Variants in RPS6KC1 observed in about 807,000 individuals in gnomAD.
The protein encoded by RPS6KC1 is inactive ribosomal protein S6 kinase delta-1.
A neutral mutation model predicts 103.8 loss-of-function variants in RPS6KC1; 54 were observed. That is an observed-to-expected ratio of 0.52 (90% CI 0.42 to 0.65). The LOEUF (loss-of-function observed/expected upper bound fraction) is 0.65. RPS6KC1 is among the 30% of genes least tolerant of loss of function. RPS6KC1 has a pLI of 0.00. For missense variants in RPS6KC1, 1,151 were observed against 1,253.8 expected (o/e 0.92, Z 1.24); for synonymous variants, 439 against 438.7 (o/e 1.00, Z -0.01).
the RPS6KC1 span, among the ~76,000 whole-genome samples, chr1:213,476,574 G>A: frequency 6.6e-6 from 1 of 152,064 alleles, no homozygotes; most frequent in Non-Finnish European, 1.5e-5. Context: ...CTGTTCAGCC[G>A]TTTCACCCAT....
At chr1:213,755,488 T>C in the RPS6KC1 span, among the ~76,000 whole-genome samples, 2 of 152,142 alleles carry the variant, frequency 1.3e-5, no homozygotes, top group Non-Finnish European at 2.9e-5. Flanking sequence ...CACATTTGCA[T>C]GCCTCCACAG....
At chr1:213,526,397 A>G in the RPS6KC1 span, among the ~76,000 whole-genome samples, 1 of 152,170 alleles carries the variant, frequency 6.6e-6, no homozygotes, top group South Asian at 2.1e-4. Context: ...AGCTTGGTTA[A>G]TCAAGAACTT....
At chr1:213,237,498 T>C (rs2094249056) in intron 10 of RPS6KC1, among the ~76,000 whole-genome samples, 1 of 152,126 alleles carries the variant, frequency 6.6e-6, no homozygotes, top group African/African-American at 2.4e-5. Flanking sequence ...TAAATACATG[T>C]ATAAACATGT....
At chr1:213,060,498 T>G (rs968304145) in intron 1 of RPS6KC1, among the ~76,000 whole-genome samples, 3 of 152,242 alleles carry the variant, frequency 2.0e-5, no homozygotes, top group African/African-American at 7.2e-5. Flanking sequence ...TCTAGTTTTA[T>G]TCTACTGTTC....
At chr1:213,511,351 C>T in the RPS6KC1 span, among the ~76,000 whole-genome samples, 2 of 152,084 alleles carry the variant, frequency 1.3e-5, no homozygotes, top group African/African-American at 4.8e-5. Flanking sequence ...CTCTGGCAAG[C>T]CGGGGCTGGC....
At chr1:213,563,643 C>T in the RPS6KC1 span, among the ~76,000 whole-genome samples, 1 of 152,146 alleles carries the variant, frequency 6.6e-6, no homozygotes, top group East Asian at 1.9e-4. Flanking sequence ...ATATCCTGTA[C>T]ACTTGACTTG....
the RPS6KC1 span, among the ~76,000 whole-genome samples, chr1:213,330,022 T>A: frequency 3.9e-5 from 6 of 152,348 alleles, no homozygotes; most frequent in Non-Finnish European, 7.4e-5. Flanking sequence ...TCTACCAGCC[T>A]GGTGGAGGGC....
chr1:213,633,749 T>G, the RPS6KC1 span, among the ~76,000 whole-genome samples: 1 of 151,386 alleles, frequency 6.6e-6, no homozygotes, highest in South Asian at 2.1e-4. Flanking sequence ...AGACACATAC[T>G]GGCAAATTGG....
the RPS6KC1 span, among the ~76,000 whole-genome samples, chr1:213,453,184 A>G: frequency 6.6e-6 from 1 of 151,996 alleles, no homozygotes; most frequent in African/African-American, 2.4e-5. Context: ...CGGTAAGGAG[A>G]GGCAATTTAC....
At chr1:213,433,029 C>A in the RPS6KC1 span, among the ~76,000 whole-genome samples, 1 of 152,184 alleles carries the variant, frequency 6.6e-6, no homozygotes, top group Non-Finnish European at 1.5e-5. Flanking sequence ...TCTTAAAGTT[C>A]TGTAGCTCAG....
At chr1:213,469,605 G>T in the RPS6KC1 span, among the ~76,000 whole-genome samples, 3 of 152,110 alleles carry the variant, frequency 2.0e-5, no homozygotes, top group African/African-American at 7.2e-5. Flanking sequence ...TCACACCCCA[G>T]GCTCCTCGCT....
chr1:213,162,826 A>G (rs535863526), intron 6 of RPS6KC1, among the ~76,000 whole-genome samples: 25 of 152,360 alleles, frequency 1.6e-4, no homozygotes, highest in Middle Eastern at 3.4e-3. Context: ...CTGGGCATCA[A>G]TATTATGACT....
chr1:213,633,655 C>T, the RPS6KC1 span, among the ~76,000 whole-genome samples: 1 of 151,674 alleles, frequency 6.6e-6, no homozygotes, highest in African/African-American at 2.4e-5. Flanking sequence ...GGCAAAATAA[C>T]CACCTAATAT....
At chr1:213,678,005 C>CA in the RPS6KC1 span, among the ~76,000 whole-genome samples, 171 of 141,220 alleles carry the variant, frequency 1.2e-3, 1 homozygote, top group Middle Eastern at 3.6e-3. Context: ...GACTCTGTCT[C>CA]AAAAAAAAAA....
At chr1:213,545,419 A>AAATAAATAAAT in the RPS6KC1 span, among the ~76,000 whole-genome samples, 2 of 75,646 alleles carry the variant, frequency 2.6e-5, no homozygotes, top group East Asian at 1.5e-3. Flanking sequence ...AATAAATAAA[A>AAATAAATAAAT]TAAAATAAAA....
intron 3 of RPS6KC1, 67 bp downstream of exon 3, chr1:213,077,883 C>A: frequency 1.2e-6 from 1 of 812,010 alleles, no homozygotes; most frequent in Non-Finnish European, 1.8e-6. Context: ...TGAACTCTAA[C>A]ATAACTACAC....
At chr1:213,175,231 G>A (rs1385528079) in intron 7 of RPS6KC1, among the ~76,000 whole-genome samples, 1 of 152,064 alleles carries the variant, frequency 6.6e-6, no homozygotes. Flanking sequence ...CTAGCAATAT[G>A]CTAGGCACTG....
At chr1:213,172,484 G>A (rs895839050) in intron 7 of RPS6KC1, among the ~76,000 whole-genome samples, 1 of 152,218 alleles carries the variant, frequency 6.6e-6, no homozygotes, top group Admixed American at 6.5e-5. Flanking sequence ...GGTGGCACAT[G>A]CCAGTAACCC....
At chr1:213,537,904 G>A in the RPS6KC1 span, among the ~76,000 whole-genome samples, 1 of 152,112 alleles carries the variant, frequency 6.6e-6, no homozygotes, top group Admixed American at 6.6e-5. Context: ...TCACTTTTTG[G>A]CTTTCTTCTT....
Sources: allele counts gnomAD v4.1 joint callset (sites outside exome capture counted in the v4.1 genomes callset), GRCh38; gene constraint gnomAD v4.1.1; transcripts MANE v1.5; gene names NCBI Gene and HGNC (gene_info 2026-07-23, HGNC 2026-07-21).